ATP8A2: variants seen among roughly 807,000 people sequenced by gnomAD.
ATP8A2 encodes phospholipid-transporting ATPase IB.
A neutral mutation model predicts 165.6 loss-of-function variants in ATP8A2; 100 were observed. The ratio of observed to expected loss-of-function variants is 0.60; its 90% CI spans 0.51 to 0.71. The LOEUF (loss-of-function observed/expected upper bound fraction) is 0.71, where lower values mean the gene tolerates loss of function less well. Ranked by LOEUF, ATP8A2 falls within the 30% of genes least tolerant of loss-of-function variation. The pLI is 0.00. For missense variants in ATP8A2, 1,227 were observed against 1,479.5 expected (o/e 0.83, Z 2.80); for synonymous variants, 543 against 548.8 (o/e 0.99, Z 0.15).
intron 25 of ATP8A2, among the ~76,000 whole-genome samples, chr13:25,710,954 G>C (rs945064412): frequency 6.6e-6 from 1 of 152,158 alleles, no homozygotes; most frequent in Non-Finnish European, 1.5e-5. Flanking sequence ...TATTTTATAG[G>C]TTAGCGAACT....
At chr13:25,504,462 C>T (rs1219714649) in intron 2 of ATP8A2, among the ~76,000 whole-genome samples, 6 of 143,244 alleles carry the variant, frequency 4.2e-5, no homozygotes, top group Admixed American at 7.0e-5. Context: ...ACAGTGCGGC[C>T]GGGCGCGGTG....
intron 24 of ATP8A2, among the ~76,000 whole-genome samples, chr13:25,644,992 T>C (rs1566009194): frequency 6.6e-6 from 1 of 152,212 alleles, no homozygotes; most frequent in East Asian, 1.9e-4. Context: ...GTTTGTCTTT[T>C]AAAAAATCCA....
intron 25 of ATP8A2, among the ~76,000 whole-genome samples, chr13:25,737,807 C>G (rs556379015): frequency 1.3e-5 from 2 of 152,300 alleles, no homozygotes; most frequent in Non-Finnish European, 2.9e-5. Context: ...CTCAGCCTCC[C>G]GAGTAGCTGG....
chr13:25,759,155 AG>A (rs1333383319), intron 25 of ATP8A2, among the ~76,000 whole-genome samples: 1 of 152,172 alleles, frequency 6.6e-6, no homozygotes, highest in Non-Finnish European at 1.5e-5. Flanking sequence ...TGCTTGGATT[AG>A]GACTGAGGTG....
At chr13:25,711,296 C>T (rs1007517014) in intron 25 of ATP8A2, among the ~76,000 whole-genome samples, 3 of 152,122 alleles carry the variant, frequency 2.0e-5, no homozygotes, top group Admixed American at 6.5e-5. Context: ...TGAGCTACCG[C>T]GCCTGGCCAG....
At chr13:25,780,510 C>A (rs946294382) in intron 27 of ATP8A2, among the ~76,000 whole-genome samples, 11 of 152,072 alleles carry the variant, frequency 7.2e-5, no homozygotes, top group Admixed American at 6.5e-4. Context: ...AATTTGGGGA[C>A]CAAATGAAAC....
chr13:25,462,988 T>C (rs2035543894), intron 1 of ATP8A2, among the ~76,000 whole-genome samples: 2 of 152,146 alleles, frequency 1.3e-5, no homozygotes, highest in African/African-American at 4.8e-5. Context: ...AGTTACAGAC[T>C]GACTGACGTG....
chr13:25,922,962 G>A (rs181599787), intron 33 of ATP8A2, among the ~76,000 whole-genome samples: 87 of 152,238 alleles, frequency 5.7e-4, no homozygotes, highest in African/African-American at 1.9e-3. Context: ...TGGACCCTGC[G>A]CCATGTTGAT....
At chr13:25,911,517 C>G (rs1028305787) in intron 33 of ATP8A2, among the ~76,000 whole-genome samples, 4 of 152,086 alleles carry the variant, frequency 2.6e-5, no homozygotes, top group African/African-American at 9.7e-5. Context: ...GTGCTAAGAG[C>G]CACTAAAACT....
At chr13:25,957,845 G>A (rs527446593) in intron 33 of ATP8A2, among the ~76,000 whole-genome samples, 5 of 152,240 alleles carry the variant, frequency 3.3e-5, no homozygotes, top group East Asian at 1.9e-4. Flanking sequence ...CTTCACAATA[G>A]CAAAGACTTG....
chr13:25,587,131 T>C (rs956922986), intron 23 of ATP8A2, among the ~76,000 whole-genome samples: 1 of 152,206 alleles, frequency 6.6e-6, no homozygotes, highest in Non-Finnish European at 1.5e-5. Flanking sequence ...TATACCTGGC[T>C]CTTCTCCAAG....
At chr13:25,548,583 C>G (rs1322571393) in intron 10 of ATP8A2, among the ~76,000 whole-genome samples, 1 of 152,194 alleles carries the variant, frequency 6.6e-6, no homozygotes, top group East Asian at 1.9e-4. Context: ...ACCTGGCCTG[C>G]TGGCCCTTAC....
At chr13:25,904,303 G>A (rs974559751) in intron 33 of ATP8A2, among the ~76,000 whole-genome samples, 1 of 152,168 alleles carries the variant, frequency 6.6e-6, no homozygotes, top group Admixed American at 6.5e-5. Flanking sequence ...AAGGTTCCCC[G>A]GTAATCCACT....
intron 2 of ATP8A2, among the ~76,000 whole-genome samples, chr13:25,481,744 C>G (rs2036209773): frequency 6.6e-6 from 1 of 152,176 alleles, no homozygotes; most frequent in Non-Finnish European, 1.5e-5. Flanking sequence ...CGGGCTCTCT[C>G]CTGGCTTGCA....
At chr13:25,635,538 C>T (rs1036565981) in intron 24 of ATP8A2, among the ~76,000 whole-genome samples, 3 of 152,110 alleles carry the variant, frequency 2.0e-5, no homozygotes, top group Admixed American at 6.5e-5. Context: ...TGTTTAAATC[C>T]GTTTATTGCA....
intron 1 of ATP8A2, among the ~76,000 whole-genome samples, chr13:25,380,057 G>A (rs1037560422): frequency 6.6e-6 from 1 of 152,166 alleles, no homozygotes; most frequent in Non-Finnish European, 1.5e-5. Context: ...AGCGATGAGT[G>A]AAGATTGTAA....
rs1319885223 is a variant in ATP8A2, at chr13:25,862,293, C to T, written c.3076-8C>T. 1.2e-6 allele frequency: 2 copies of T among 1,611,178 alleles called. No homozygotes were observed. Among genetic ancestry groups the T allele is most frequent in the South Asian group, 1.1e-5 (1 of 90,988 alleles). ...GAAGCCTGTCTGAGTGTCTATTTCC[C>T]TCTGCAGTTCAGTCATCTGGCTGTC... On this transcript the variant is annotated splice_polypyrimidine_tract_variant and splice_region_variant and intron_variant, in intron 32 of 36. Coordinates refer to ENST00000381655, the MANE Select transcript of ATP8A2 (RefSeq NM_016529.6).
At chr13:25,592,434 G>A (rs1389737815) in intron 24 of ATP8A2, among the ~76,000 whole-genome samples, 1 of 152,200 alleles carries the variant, frequency 6.6e-6, no homozygotes, top group Non-Finnish European at 1.5e-5. Context: ...ATGCTGATGA[G>A]ATAGTGGCTA....
intron 10 of ATP8A2, among the ~76,000 whole-genome samples, chr13:25,549,198 G>A (rs1466342897): frequency 6.6e-6 from 1 of 152,094 alleles, no homozygotes; most frequent in African/African-American, 2.4e-5. Flanking sequence ...GGTGGCTCAT[G>A]CCTGTAATCC....
Sources: allele counts gnomAD v4.1 joint callset (sites outside exome capture counted in the v4.1 genomes callset), GRCh38; gene constraint gnomAD v4.1.1; transcripts MANE v1.5; gene names NCBI Gene and HGNC (gene_info 2026-07-23, HGNC 2026-07-21).